THSD7B: variants seen among roughly 807,000 people sequenced by gnomAD.
THSD7B encodes thrombospondin type 1 domain containing 7B.
THSD7B carries 138 observed loss-of-function variants against 213.6 expected under a neutral mutation model. The ratio of observed to expected loss-of-function variants is 0.65; its 90% CI spans 0.56 to 0.74. The LOEUF is 0.74. Ranked by LOEUF, THSD7B falls within the 30% of genes least tolerant of loss-of-function variation. The pLI is 0.00. For synonymous variants in THSD7B, 742 were observed against 687.0 expected, an observed-to-expected ratio of 1.08 and a Z score of -1.25; for missense variants, 1,931 against 1,991.5, an observed-to-expected ratio of 0.97 and a Z score of 0.58.
At chr2:137,661,492 C>G (rs747905191) in intron 25 of THSD7B, among the ~76,000 whole-genome samples, 2 of 151,632 alleles carry the variant, frequency 1.3e-5, no homozygotes, top group African/African-American at 4.8e-5. Context: ...CAAGCAGAGA[C>G]GTAGTTTGAC....
intron 1 of THSD7B, among the ~76,000 whole-genome samples, chr2:136,784,195 T>C (rs1476270559): frequency 6.6e-6 from 1 of 152,240 alleles, no homozygotes; most frequent in African/African-American, 2.4e-5. Context: ...GGCAATATTG[T>C]CATTCATAAA....
chr2:137,611,281 A>G (rs1368090477), intron 17 of THSD7B, among the ~76,000 whole-genome samples: 1 of 151,938 alleles, frequency 6.6e-6, no homozygotes, highest in Non-Finnish European at 1.5e-5. Context: ...TAATCTTTTG[A>G]AATAATTTTT....
chr2:137,368,031 A>G (rs1276625293), intron 12 of THSD7B, among the ~76,000 whole-genome samples: 1 of 94,426 alleles, frequency 1.1e-5, no homozygotes, highest in African/African-American at 3.3e-5. Flanking sequence ...GTCAGAAAGC[A>G]TGAGTTTTGT....
chr2:136,983,046 TG>T (rs1214148319), intron 2 of THSD7B, among the ~76,000 whole-genome samples: 1 of 151,582 alleles, frequency 6.6e-6, no homozygotes, highest in East Asian at 2.0e-4. Context: ...TAGTTTCTTT[TG>T]GGGCCCATCT....
At chr2:137,004,644 T>C (rs968885858) in intron 2 of THSD7B, among the ~76,000 whole-genome samples, 3 of 152,184 alleles carry the variant, frequency 2.0e-5, no homozygotes, top group African/African-American at 7.2e-5. Flanking sequence ...ACAGTCAGTG[T>C]GTGTTTGGAT....
At chr2:136,889,455 C>T (rs1043334920) in intron 2 of THSD7B, among the ~76,000 whole-genome samples, 5 of 152,290 alleles carry the variant, frequency 3.3e-5, no homozygotes, top group Admixed American at 3.3e-4. Flanking sequence ...CTCCTCTCCT[C>T]CTTACTACAG....
At chr2:137,546,881 C>G (rs1680751925) in intron 15 of THSD7B, among the ~76,000 whole-genome samples, 1 of 151,772 alleles carries the variant, frequency 6.6e-6, no homozygotes, top group East Asian at 2.0e-4. Context: ...TTTGGCCAAA[C>G]AAATGAAGTT....
chr2:137,057,363 T>G, intron 3 of THSD7B, 133 bp downstream of exon 3: 1 of 946,304 alleles, frequency 1.1e-6, no homozygotes, highest in Non-Finnish European at 1.5e-6. Flanking sequence ...AGAAGTTTCA[T>G]GTAAGAAATT....
At chr2:136,952,038 T>G (rs2105073294) in intron 2 of THSD7B, among the ~76,000 whole-genome samples, 1 of 152,182 alleles carries the variant, frequency 6.6e-6, no homozygotes, top group South Asian at 2.1e-4. Context: ...CCCAGCTAAT[T>G]TTTGTATTTT....
chr2:136,851,933 C>CTATATATA (rs35929047), intron 1 of THSD7B, among the ~76,000 whole-genome samples: 17 of 148,132 alleles, frequency 1.1e-4, no homozygotes, highest in South Asian at 6.5e-4. Flanking sequence ...CAATACACAA[C>CTATATATA]TATATATATA....
intron 2 of THSD7B, among the ~76,000 whole-genome samples, chr2:137,045,995 A>G (rs1686963165): frequency 6.6e-6 from 1 of 151,958 alleles, no homozygotes; most frequent in East Asian, 1.9e-4. Flanking sequence ...CACAGAGAAG[A>G]GACTTTTTCT....
chr2:137,569,365 T>A (rs1681307044), intron 16 of THSD7B, among the ~76,000 whole-genome samples: 1 of 152,294 alleles, frequency 6.6e-6, no homozygotes, highest in South Asian at 2.1e-4. Context: ...TACTTAAACC[T>A]CTGTTTACAG....
At chr2:136,949,737 T>A (rs1462345115) in intron 2 of THSD7B, among the ~76,000 whole-genome samples, 1 of 152,190 alleles carries the variant, frequency 6.6e-6, no homozygotes, top group Non-Finnish European at 1.5e-5. Flanking sequence ...TGGTCTGTGA[T>A]GAGGCCTGAG....
At chr2:137,285,773 T>C (rs1683158009) in intron 12 of THSD7B, among the ~76,000 whole-genome samples, 1 of 152,080 alleles carries the variant, frequency 6.6e-6, no homozygotes, top group South Asian at 2.1e-4. Flanking sequence ...TAATCTAGTC[T>C]TTCACTAAGG....
intron 2 of THSD7B, among the ~76,000 whole-genome samples, chr2:136,925,102 A>T (rs573531): frequency 6.6e-6 from 1 of 152,174 alleles, no homozygotes; most frequent in Non-Finnish European, 1.5e-5. Context: ...TTCCACACAC[A>T]CAATGAGGTC....
At chr2:136,860,900 G>A (rs1158655286) in intron 1 of THSD7B, among the ~76,000 whole-genome samples, 1 of 152,198 alleles carries the variant, frequency 6.6e-6, no homozygotes, top group African/African-American at 2.4e-5. Flanking sequence ...TATTTCTCAT[G>A]TTGTTCTCTC....
chr2:136,814,148 C>A, intron 1 of THSD7B, among the ~76,000 whole-genome samples: 1 of 152,112 alleles, frequency 6.6e-6, no homozygotes, highest in Non-Finnish European at 1.5e-5. Flanking sequence ...ATTGAATAAT[C>A]ATTACATGAA....
chr2:137,201,464 T>A (rs559322005), intron 7 of THSD7B, among the ~76,000 whole-genome samples: 2 of 152,290 alleles, frequency 1.3e-5, no homozygotes, highest in African/African-American at 4.8e-5. Flanking sequence ...ATATGGTAAT[T>A]CTACTTTTAT....
intron 14 of THSD7B, among the ~76,000 whole-genome samples, chr2:137,419,720 C>G (rs1686882014): frequency 6.6e-6 from 1 of 151,978 alleles, no homozygotes; most frequent in African/African-American, 2.4e-5. Context: ...AGCACACAGT[C>G]AGAGAGGTTC....
Sources: allele counts gnomAD v4.1 joint callset (sites outside exome capture counted in the v4.1 genomes callset), GRCh38; gene constraint gnomAD v4.1.1; transcripts MANE v1.5; gene names NCBI Gene and HGNC (gene_info 2026-07-23, HGNC 2026-07-21).